The following SMG7 variants were observed in gnomAD, a reference collection of about 807,000 sequenced individuals.
The protein encoded by SMG7 is nonsense-mediated mRNA decay factor SMG7.
A neutral mutation model predicts 148.2 loss-of-function variants in SMG7; 34 were observed. The observed-to-expected ratio is 0.23, with a 90% CI of 0.17 to 0.31. The LOEUF (loss-of-function observed/expected upper bound fraction) is 0.31. Ranked by LOEUF, SMG7 falls within the 10% of genes least tolerant of loss-of-function variation. SMG7 has a pLI of 1.00. For missense variants in SMG7, 1,114 were observed against 1,408.4 expected (o/e 0.79, Z 3.35); for synonymous variants, 492 against 515.1 (o/e 0.96, Z 0.61).
At chr1:183,551,325 A>G in intron 22 of SMG7, 135 bp downstream of exon 22, 1 of 779,272 alleles carries the variant, frequency 1.3e-6, no homozygotes, top group South Asian at 2.5e-5. Context: ...AAAGTCCTAG[A>G]AACATGGTCT....
intron 1 of SMG7, among the ~76,000 whole-genome samples, chr1:183,475,127 A>G (rs965411251): frequency 1.3e-5 from 2 of 152,250 alleles, no homozygotes; most frequent in Non-Finnish European, 2.9e-5. Context: ...ACTTCAAGTC[A>G]GCTGTAGTAC....
At position 183,544,383 on chromosome 1, in the gene SMG7, C is replaced by A; in HGVS notation, c.1873C>A (p.Pro625Thr). The A allele has an allele frequency of 6.2e-7, 1 of 1,613,826 alleles. No individual in the cohort carries two copies. The change falls in exon 15 of 23, where the codon CCA becomes ACA. Residue 625 changes from proline (P) to threonine (T), a missense_variant. Pro to Thr is a conservative substitution (Grantham distance 38). This residue lies in a region of SMG7 where 788 missense variants were observed against 894.5 expected (regional missense o/e 0.88). Transcript: ENST00000688051. ...ATCCCAGACAGAACTAAGAAAGACT[C>A]CAGTGTCTGAAGCCAGAAAAACACC... ...VKSQTELRKT[P>T]VSEARKTPVT...
intron 1 of SMG7, among the ~76,000 whole-genome samples, chr1:183,474,584 A>C (rs530706131): frequency 2.0e-5 from 3 of 152,346 alleles, no homozygotes; most frequent in Admixed American, 1.3e-4. Flanking sequence ...GTAAATACAT[A>C]AATAAAAATA....
intron 6 of SMG7, among the ~76,000 whole-genome samples, chr1:183,528,368 C>G (rs967321404): frequency 5.9e-5 from 9 of 152,066 alleles, no homozygotes; most frequent in African/African-American, 2.2e-4. Flanking sequence ...CCCCTCCCCC[C>G]AGAAAAACAA....
intron 4 of SMG7, among the ~76,000 whole-genome samples, chr1:183,519,733 A>T (rs1306167451): frequency 1.3e-5 from 2 of 152,132 alleles, no homozygotes; most frequent in Non-Finnish European, 2.9e-5. Context: ...TTGCATATTT[A>T]AGACCACACT....
intron 1 of SMG7, among the ~76,000 whole-genome samples, chr1:183,509,295 G>C (rs1661640366): frequency 6.6e-6 from 1 of 152,206 alleles, no homozygotes; most frequent in African/African-American, 2.4e-5. Flanking sequence ...TTTATGAACA[G>C]ATCTTTTAAT....
At position 183,552,041 on chromosome 1, in the gene SMG7, G is replaced by A. The variant is rs1483864885; in HGVS notation, c.*110G>A. 1.2e-5 allele frequency: 17 copies of A among 1,397,544 alleles called. No homozygotes were observed. Among genetic ancestry groups the A allele is most frequent in the South Asian group, 8.6e-5 (5 of 57,990 alleles). The allele number at this position is 1,397,544 out of a possible 1,614,324, so 86.6% of individuals were successfully genotyped here. ...GTGGCAGCCCTCTTTTCTGTTTCTC[G>A]CTGTCAAGAGGGTGTAAGTATTCCA... is the stretch of plus-strand genomic sequence containing the variant. On this transcript the variant is annotated 3_prime_UTR_variant, in exon 23 of 23. Coordinates refer to ENST00000688051, the MANE Select transcript of SMG7 (RefSeq NM_001375584.1).
At chr1:183,531,375 A>G (rs1652308692) in intron 8 of SMG7, among the ~76,000 whole-genome samples, 1 of 152,080 alleles carries the variant, frequency 6.6e-6, no homozygotes, top group South Asian at 2.1e-4. Flanking sequence ...ATATTTCTCA[A>G]CTGTAGTTGA....
rs1043035059 is a variant in SMG7, at chr1:183,548,957, G to C, written c.2893-251G>C. On this transcript the variant is annotated intron_variant, in intron 18 of 22. Coordinates refer to ENST00000688051, the MANE Select transcript of SMG7 (RefSeq NM_001375584.1). The stretch of plus-strand genomic sequence containing the variant: ...AACACTCAGAGTGCTGTTTACCAGG[G>C]TCTCTGGTCCCTGCCAGAATATAAT... The C allele has an allele frequency of 9.8e-6, 5 of 508,614 alleles. No homozygotes were observed. In the East Asian group the frequency reaches 1.7e-4, roughly 17 times the overall value. The allele number at this position is 508,614 out of a possible 1,614,324, so 31.5% of individuals were successfully genotyped here. A position where few individuals can be genotyped will look rare whatever the true frequency, so the allele number is the denominator to read the frequency against.
At chr1:183,475,136 A>C (rs1450295009) in intron 1 of SMG7, among the ~76,000 whole-genome samples, 1 of 152,244 alleles carries the variant, frequency 6.6e-6, no homozygotes, top group Non-Finnish European at 1.5e-5. Context: ...CAGCTGTAGT[A>C]CACTGCATGT....
At position 183,541,725 on chromosome 1, in the gene SMG7, C is replaced by T. The variant is rs748480721; in HGVS notation, c.1416-351C>T. ...CTTCCATGTTTGAATGAACTTACCA[C>T]CTCCAAGCTTCAATTTTCACATCTA... On this transcript the variant is annotated intron_variant, in intron 13 of 22. Transcript: ENST00000688051. Among the ~76,000 whole-genome samples the T allele has an allele frequency of 9.2e-5, 14 of 152,170 alleles. No homozygotes were observed. In the South Asian group the frequency reaches 2.7e-3, roughly 29 times the overall value.
chr1:183,528,054 G>A, intron 6 of SMG7, 27 bp downstream of exon 6: 2 of 1,562,514 alleles, frequency 1.3e-6, no homozygotes, highest in Non-Finnish European at 1.8e-6. Flanking sequence ...ACCTGAGATT[G>A]ACCGTGACAC....
chr1:183,549,611 C>T (rs1670608440), intron 19 of SMG7, among the ~76,000 whole-genome samples, 153 bp from the exon 20 acceptor site: 1 of 152,138 alleles, frequency 6.6e-6, no homozygotes, highest in Non-Finnish European at 1.5e-5. Flanking sequence ...ATTAATTTGA[C>T]TGGAAAATTG....
chr1:183,550,997 G>A (rs752682325), intron 21 of SMG7, 48 bp from the exon 22 acceptor site: 7 of 1,613,618 alleles, frequency 4.3e-6, no homozygotes, highest in East Asian at 4.5e-5. Context: ...GCAATTGGCA[G>A]TGATAGAACA....
At chr1:183,485,310 A>C (rs1557950476) in intron 1 of SMG7, among the ~76,000 whole-genome samples, 1 of 152,118 alleles carries the variant, frequency 6.6e-6, no homozygotes, top group East Asian at 1.9e-4. Flanking sequence ...TAGAATTATA[A>C]ACATATATAA....
At position 183,547,257 on chromosome 1, in the gene SMG7, G is replaced by A. The variant is rs1670083069; in HGVS notation, c.2892+5G>A. 1.3e-6 allele frequency: 2 copies of A among 1,548,694 alleles called. No individual in the cohort carries two copies. The highest frequency in any genetic ancestry group is 2.4e-5 in the East Asian group (1 of 40,894). On this transcript the variant is annotated splice_donor_5th_base_variant and intron_variant, in intron 18 of 22. Transcript: ENST00000688051. Reference sequence around the variant, plus strand: ...CTTCCTGGACGAAGCCTTTTTGTATGTATTTGACATAATTCTGCTTCTTGG... The same window carrying A: ...CTTCCTGGACGAAGCCTTTTTGTATATATTTGACATAATTCTGCTTCTTGG...
intron 4 of SMG7, among the ~76,000 whole-genome samples, chr1:183,521,129 G>A (rs904377306): frequency 1.3e-5 from 2 of 150,368 alleles, no homozygotes; most frequent in Non-Finnish European, 3.0e-5. Flanking sequence ...CTGGAGGCTG[G>A]AGTGCAGTGG....
At position 183,529,508 on chromosome 1, in the gene SMG7, G is replaced by A. The variant is rs1279252937; in HGVS notation, c.818G>A (p.Arg273Gln). The A allele has an allele frequency of 6.2e-7, 1 of 1,612,592 alleles. No homozygotes were observed. The highest frequency in any genetic ancestry group is 8.5e-7 in the Non-Finnish European group (1 of 1,179,044). Reference sequence around the variant, plus strand: ...AGCTTGGAAAAGTTGAGCCCTCTTCGAGAGAAATTGGAAGAACAGTTTAAG... The same window carrying A: ...AGCTTGGAAAAGTTGAGCCCTCTTCAAGAGAAATTGGAAGAACAGTTTAAG... Reference protein sequence around the residue: ...SKSLEKLSPLREKLEEQFKRL... With the variant: ...SKSLEKLSPLQEKLEEQFKRL... Residue 273 changes from arginine (R) to glutamine (Q), a missense_variant, in exon 8 of 23, where the codon CGA becomes CAA. Physicochemically the swap from Arg to Gln is conservative, Grantham distance 43. Coordinates refer to ENST00000688051, the MANE Select transcript of SMG7 (RefSeq NM_001375584.1).
At chr1:183,515,102 A>T (rs1663172595) in intron 2 of SMG7, among the ~76,000 whole-genome samples, 1 of 152,046 alleles carries the variant, frequency 6.6e-6, no homozygotes, top group South Asian at 2.1e-4. Flanking sequence ...GCCTTGCATG[A>T]CTCTGGCAGA....
Sources: allele counts gnomAD v4.1 joint callset (sites outside exome capture counted in the v4.1 genomes callset), GRCh38; gene constraint gnomAD v4.1.1; regional missense constraint gnomAD v4.1.1; transcripts MANE v1.5; gene names NCBI Gene and HGNC (gene_info 2026-07-23, HGNC 2026-07-21).